SMAP1: variants seen among roughly 807,000 people sequenced by gnomAD.
The protein encoded by SMAP1 is stromal membrane-associated protein 1.
A neutral mutation model predicts 58.5 loss-of-function variants in SMAP1; 24 were observed. The observed-to-expected ratio is 0.41, with a 90% CI of 0.30 to 0.58. SMAP1 has a LOEUF of 0.58. Among genes scored for constraint, SMAP1 ranks in the 20% least tolerant of loss-of-function variants. The probability of loss-of-function intolerance (pLI) is 0.29; values close to 1 mark genes in which losing one functional copy is unlikely to be tolerated. For missense variants in SMAP1, 563 were observed against 566.3 expected (o/e 0.99, Z 0.06); for synonymous variants, 216 against 196.6 (o/e 1.10, Z -0.82).
intron 7 of SMAP1, among the ~76,000 whole-genome samples, chr6:70,851,419 C>T (rs1288223245): frequency 2.0e-5 from 3 of 152,132 alleles, no homozygotes; most frequent in Admixed American, 2.0e-4. Context: ...GTGCAAGATA[C>T]CCCATTCATT....
At chr6:70,746,459 T>C (rs1409310021) in intron 2 of SMAP1, among the ~76,000 whole-genome samples, 3 of 152,222 alleles carry the variant, frequency 2.0e-5, no homozygotes, top group African/African-American at 7.2e-5. Flanking sequence ...GTTCTGTTTG[T>C]GTGATGGATT....
rs1767874893 is a variant in SMAP1, at chr6:70,783,795, G to C, written c.415-7894G>C. Among the ~76,000 whole-genome samples, 4 of 152,200 alleles carry C rather than the reference G, an allele frequency of 2.6e-5. No individual in the cohort carries two copies. In the South Asian group the frequency reaches 6.2e-4, roughly 24 times the overall value. ...CGAACAAAGTCTCCAAGAAATATGG[G>C]ACTATGTGAAAAGACGAAATCTACG... On this transcript the variant is annotated intron_variant, in intron 4 of 10. Coordinates refer to ENST00000370455, the MANE Select transcript of SMAP1 (RefSeq NM_001044305.3).
intron 10 of SMAP1, 171 bp downstream of exon 10, chr6:70,858,400 C>CAGAT: frequency 1.8e-6 from 1 of 558,710 alleles, no homozygotes; most frequent in Non-Finnish European, 2.9e-6. Flanking sequence ...GAAGTTGTAT[C>CAGAT]AGATAGACAA....
At chr6:70,769,221 T>C (rs1018443849) in intron 3 of SMAP1, among the ~76,000 whole-genome samples, 5 of 152,226 alleles carry the variant, frequency 3.3e-5, no homozygotes, top group African/African-American at 1.2e-4. Flanking sequence ...AAAAAATGTA[T>C]ATTCTGTTGA....
intron 7 of SMAP1, among the ~76,000 whole-genome samples, chr6:70,845,199 T>C (rs1770943561): frequency 6.6e-6 from 1 of 152,168 alleles, no homozygotes; most frequent in Non-Finnish European, 1.5e-5. Flanking sequence ...TTTGTGCAAA[T>C]AGATTATGAT....
At chr6:70,765,274 C>A (rs1299444031) in intron 3 of SMAP1, among the ~76,000 whole-genome samples, 1 of 152,168 alleles carries the variant, frequency 6.6e-6, no homozygotes, top group Non-Finnish European at 1.5e-5. Context: ...TTCTTAGAAA[C>A]CACGACTTTA....
intron 6 of SMAP1, among the ~76,000 whole-genome samples, chr6:70,808,902 CTGTGTGTGTGTGTGTGTG>C (rs35577736): frequency 1.9e-3 from 282 of 144,762 alleles, no homozygotes; most frequent in African/African-American, 7.0e-3. Context: ...GGCTGTTTCC[CTGTGTGTGTGTGTGTGTG>C]TGTGTGTGTG....
intron 7 of SMAP1, among the ~76,000 whole-genome samples, chr6:70,850,337 A>AT (rs934063527): frequency 4.6e-5 from 7 of 151,428 alleles, no homozygotes; most frequent in Non-Finnish European, 8.8e-5. Context: ...CTCATGTTAA[A>AT]TTTTTTTTTC....
At chr6:70,855,093 C>CATATACATATACAT (rs1363165017) in intron 8 of SMAP1, among the ~76,000 whole-genome samples, 1 of 151,738 alleles carries the variant, frequency 6.6e-6, no homozygotes, top group African/African-American at 2.4e-5. Context: ...TATACATATA[C>CATATACATATACAT]ATATACATAT....
chr6:70,767,632 G>A, intron 3 of SMAP1, among the ~76,000 whole-genome samples: 2 of 150,776 alleles, frequency 1.3e-5, no homozygotes, highest in Middle Eastern at 3.4e-3. Flanking sequence ...TTGCTTATCA[G>A]CTTAAGGAGA....
In SMAP1 at chr6:70,860,311, C is replaced by G. The variant is rs374666903; in HGVS notation, c.1381C>G (p.Leu461Val). ...GWSGSSSGQTLSTQLWK is the reference protein window; with the variant it reads ...GWSGSSSGQTVSTQLWK ...GTCTGGAAGCTCATCAGGTCAGACT[C>G]TCAGCACACAACTGTGGAAATGAAA... The change falls in exon 11 of 11, where the codon CTC becomes GTC. Residue 461 changes from leucine (L) to valine (V), a missense_variant. By Grantham distance (32) the Leu-to-Val change is conservative (BLOSUM62 1). This residue lies in a region of SMAP1 where 494 missense variants were observed against 473.8 expected (regional missense o/e 1.04). Transcript: ENST00000370455. 2.5e-6 allele frequency: 4 copies of G among 1,612,608 alleles called. No homozygotes were observed. The highest frequency in any genetic ancestry group is 2.2e-5 in the East Asian group (1 of 44,846).
chr6:70,721,896 C>G (rs996557696), intron 1 of SMAP1, among the ~76,000 whole-genome samples: 1 of 152,168 alleles, frequency 6.6e-6, no homozygotes, highest in African/African-American at 2.4e-5. Context: ...GATTCAATTA[C>G]CTTGCCCCGG....
In SMAP1 at chr6:70,860,722, G is replaced by C. The variant is rs553239753; in HGVS notation, c.*388G>C. The C allele has an allele frequency of 5.0e-6, 2 of 403,144 alleles. No homozygotes were observed. The highest frequency in any genetic ancestry group is 3.5e-5 in the East Asian group (1 of 28,170). The allele number at this position is 403,144 out of a possible 1,614,324, so 25.0% of individuals were successfully genotyped here. The stretch of plus-strand genomic sequence containing the variant: ...CACCCCAAAATTAGCCAGTAATCCT[G>C]TAGGAAGGTACTGTATGATCAAATG... On this transcript the variant is annotated 3_prime_UTR_variant, in exon 11 of 11. Coordinates refer to ENST00000370455, the MANE Select transcript of SMAP1 (RefSeq NM_001044305.3).
At chr6:70,713,738 T>C (rs1577108) in intron 1 of SMAP1, among the ~76,000 whole-genome samples, 36,396 of 152,056 alleles carry the variant, frequency 0.24, 5,367 homozygotes, top group Non-Finnish European at 0.33. Flanking sequence ...GAACGTTCTG[T>C]ATAGGCTTGT....
chr6:70,749,065 A>G (rs1329386989), intron 2 of SMAP1, among the ~76,000 whole-genome samples: 2 of 152,176 alleles, frequency 1.3e-5, no homozygotes, highest in African/African-American at 2.4e-5. Context: ...TGGGTAATTT[A>G]TAAGGAAAGG....
chr6:70,855,753 C>G (rs1336740476), intron 8 of SMAP1, among the ~76,000 whole-genome samples: 1 of 152,162 alleles, frequency 6.6e-6, no homozygotes, highest in East Asian at 1.9e-4. Context: ...CAGACAGGCT[C>G]CAGCCCATGC....
chr6:70,797,112 G>A (rs1303864946), intron 5 of SMAP1, among the ~76,000 whole-genome samples: 2 of 152,108 alleles, frequency 1.3e-5, no homozygotes, highest in East Asian at 3.9e-4. Flanking sequence ...TAAAATTGCA[G>A]TTGAAGACAT....
chr6:70,801,062 T>A (rs1461439437), intron 6 of SMAP1, among the ~76,000 whole-genome samples: 1 of 152,222 alleles, frequency 6.6e-6, no homozygotes. Flanking sequence ...CAAATGGTAT[T>A]TCTAGTTCTA....
At chr6:70,843,945 T>C (rs1025577783) in intron 7 of SMAP1, among the ~76,000 whole-genome samples, 1 of 152,096 alleles carries the variant, frequency 6.6e-6, no homozygotes, top group Non-Finnish European at 1.5e-5. Flanking sequence ...GAGAAGGGAC[T>C]CAAAAATTAT....
Sources: allele counts gnomAD v4.1 joint callset (sites outside exome capture counted in the v4.1 genomes callset), GRCh38; gene constraint gnomAD v4.1.1; regional missense constraint gnomAD v4.1.1; transcripts MANE v1.5; gene names NCBI Gene and HGNC (gene_info 2026-07-23, HGNC 2026-07-21).